The following FGD4 variants were observed in gnomAD, a reference collection of about 807,000 sequenced individuals.
FGD4 encodes FYVE, RhoGEF and PH domain containing 4.
FGD4 carries 42 observed loss-of-function variants against 102.0 expected under a neutral mutation model. The observed-to-expected ratio is 0.41, with a 90% CI of 0.32 to 0.53. FGD4 has a LOEUF of 0.53. FGD4 is among the 20% of genes least tolerant of loss of function. The pLI is 0.21. For synonymous variants in FGD4, 380 were observed against 375.7 expected (o/e 1.01, Z -0.13); for missense variants, 902 against 1,078.2 (o/e 0.84, Z 2.29).
At chr12:32,562,304 T>C (rs1944674097) in intron 1 of FGD4, among the ~76,000 whole-genome samples, 1 of 152,232 alleles carries the variant, frequency 6.6e-6, no homozygotes, top group Admixed American at 6.5e-5. Flanking sequence ...AATGAGATAG[T>C]TCCCAGGAAA....
intron 1 of FGD4, among the ~76,000 whole-genome samples, chr12:32,476,359 A>G (rs1050811598): frequency 6.6e-6 from 1 of 152,182 alleles, no homozygotes; most frequent in African/African-American, 2.4e-5. Flanking sequence ...TGGTCTTGCA[A>G]TTTGGCCAGA....
At chr12:32,478,261 A>G (rs1438689841) in intron 1 of FGD4, among the ~76,000 whole-genome samples, 1 of 152,092 alleles carries the variant, frequency 6.6e-6, no homozygotes, top group Non-Finnish European at 1.5e-5. Flanking sequence ...TTTTTCTTCA[A>G]TGTGATTGTG....
Position 32,508,715 on chromosome 12 carries a change from A to G in FGD4, c.167-55422A>G, listed in dbSNP as rs117164798. The stretch of plus-strand genomic sequence containing the variant: ...TTTGCTTGCATTTAGAGGTCATGCT[A>G]TATGAAATAGAGTCCTAGAATTCAG... On this transcript the variant is annotated intron_variant, in intron 1 of 16. Coordinates refer to ENST00000534526, the MANE Select transcript of FGD4 (RefSeq NM_001370298.3). Among the ~76,000 whole-genome samples the G allele has an allele frequency of 5.1e-4, 77 of 152,356 alleles. No homozygotes were observed. In the East Asian group the frequency reaches 7.5e-3, roughly 15 times the overall value.
chr12:32,577,842 A>G (rs1592279668), intron 3 of FGD4, among the ~76,000 whole-genome samples: 1 of 152,294 alleles, frequency 6.6e-6, no homozygotes, highest in East Asian at 1.9e-4. Flanking sequence ...TAGTGACTGC[A>G]TAATAGGAGG....
rs1457140973 is a variant in FGD4 at position 32,559,885 on chromosome 12, C to G, written c.167-4252C>G. Among the ~76,000 whole-genome samples, 4 of 152,232 alleles carry G rather than the reference C, an allele frequency of 2.6e-5. No individual in the cohort carries two copies. In the East Asian group the frequency reaches 7.7e-4, roughly 29 times the overall value. On this transcript the variant is annotated intron_variant, in intron 1 of 16. Transcript: ENST00000534526. ...GTTTTCTCATTTAACCCATTAACTGCCCCCTTTGTGTAGTATTGTTGCTGC... is the reference window on the plus strand; with the variant it reads ...GTTTTCTCATTTAACCCATTAACTGGCCCCTTTGTGTAGTATTGTTGCTGC...
intron 1 of FGD4, among the ~76,000 whole-genome samples, chr12:32,561,075 GTTTTT>G (rs1218919677): frequency 3.5e-5 from 3 of 85,182 alleles, no homozygotes; most frequent in Middle Eastern, 0.01. Context: ...GTTGGGTTTT[GTTTTT>G]TTTTTTTTTT....
At chr12:32,462,529 G>C (rs1268971344) in intron 1 of FGD4, among the ~76,000 whole-genome samples, 1 of 151,564 alleles carries the variant, frequency 6.6e-6, no homozygotes, top group Non-Finnish European at 1.5e-5. Context: ...GCTTGTATGT[G>C]TGTTTGAAAT....
chr12:32,400,708 T>C (rs1940625885), intron 1 of FGD4, among the ~76,000 whole-genome samples: 1 of 152,220 alleles, frequency 6.6e-6, no homozygotes, highest in South Asian at 2.1e-4. Context: ...GCAAAACTTC[T>C]TTAAAATCCC....
intron 1 of FGD4, among the ~76,000 whole-genome samples, chr12:32,407,119 GTAT>G (rs1355021467): frequency 2.9e-4 from 30 of 103,610 alleles, no homozygotes; most frequent in African/African-American, 1.3e-3. Flanking sequence ...CCAAGAAGCT[GTAT>G]TTTTTTTTTT....
chr12:32,549,928 G>T (rs1943519052), intron 1 of FGD4, among the ~76,000 whole-genome samples: 1 of 152,164 alleles, frequency 6.6e-6, no homozygotes, highest in South Asian at 2.1e-4. Flanking sequence ...TGTTTCCTCA[G>T]CACGTCTCCA....
intron 1 of FGD4, among the ~76,000 whole-genome samples, chr12:32,530,132 A>G (rs1941653829): frequency 6.6e-6 from 1 of 152,120 alleles, no homozygotes; most frequent in Non-Finnish European, 1.5e-5. Context: ...AAGCTGTTGA[A>G]TATAATATAG....
At position 32,504,717 on chromosome 12, in the gene FGD4, T is replaced by C. The variant is rs570116512; in HGVS notation, c.167-59420T>C. ...TTGGTTATTTCATGTAAAAGGATTATGTAGATGACAATATGAAACTTTGAA... is the reference window on the plus strand; with the variant it reads ...TTGGTTATTTCATGTAAAAGGATTACGTAGATGACAATATGAAACTTTGAA... On this transcript the variant is annotated intron_variant, in intron 1 of 16. Transcript: ENST00000534526. Among the ~76,000 whole-genome samples the C allele has an allele frequency of 3.3e-5, 5 of 152,336 alleles. No homozygotes were observed. The South Asian group carries it at 8.3e-4, about 25-fold the overall frequency.
At chr12:32,501,286 AT>A (rs1007783972) in intron 1 of FGD4, among the ~76,000 whole-genome samples, 20 of 152,336 alleles carry the variant, frequency 1.3e-4, no homozygotes, top group Middle Eastern at 3.4e-3. Context: ...AATAATGGAC[AT>A]TTTGAGTGCC....
At chr12:32,482,932 T>C (rs1338259034) in intron 1 of FGD4, among the ~76,000 whole-genome samples, 1 of 152,230 alleles carries the variant, frequency 6.6e-6, no homozygotes, top group African/African-American at 2.4e-5. Context: ...ATAGATGTTC[T>C]CAGTTTCAAC....
intron 1 of FGD4, chr12:32,511,858 G>A (rs570034260): frequency 4.6e-5 from 7 of 151,944 alleles, no homozygotes; most frequent in Admixed American, 2.6e-4. Context: ...CATACCACCC[G>A]GAATGTGCTC....
At chr12:32,620,882 C>T (rs1239501423) in intron 11 of FGD4, among the ~76,000 whole-genome samples, 7 of 151,072 alleles carry the variant, frequency 4.6e-5, no homozygotes, top group African/African-American at 9.7e-5. Flanking sequence ...AGGCTGGTCT[C>T]GAACTCCTGA....
At chr12:32,568,115 T>C (rs1945341642) in intron 2 of FGD4, among the ~76,000 whole-genome samples, 1 of 152,254 alleles carries the variant, frequency 6.6e-6, no homozygotes, top group South Asian at 2.1e-4. Flanking sequence ...TAAATATTTT[T>C]GAAGAATTAT....
In FGD4 at chr12:32,642,595, T is replaced by C. The variant is rs1951210358; in HGVS notation, c.*2062T>C. ...TAAGTTTTGGCTCAATAAATATCAA[T>C]GTTATTTAACTTAGATCATTGAAAG... On this transcript the variant is annotated 3_prime_UTR_variant, in exon 17 of 17. Transcript: ENST00000534526. 6.6e-6 allele frequency: 1 copy of C among 152,106 alleles called. No individual in the cohort carries two copies. The highest frequency in any genetic ancestry group is 2.1e-4 in the South Asian group (1 of 4,834). The allele number at this position is 152,106 out of a possible 1,614,324, so 9.4% of individuals were successfully genotyped here.
At chr12:32,402,745 C>T (rs1469098129) in intron 1 of FGD4, among the ~76,000 whole-genome samples, 5 of 141,504 alleles carry the variant, frequency 3.5e-5, no homozygotes, top group East Asian at 2.1e-4. Flanking sequence ...TTTTCAGGGT[C>T]GAAAAGTAAT....
Sources: allele counts gnomAD v4.1 joint callset (sites outside exome capture counted in the v4.1 genomes callset), GRCh38; gene constraint gnomAD v4.1.1; transcripts MANE v1.5; gene names NCBI Gene and HGNC (gene_info 2026-07-23, HGNC 2026-07-21).